Variants in BRF1 observed in about 807,000 individuals in gnomAD.
BRF1 encodes BRF1 general transcription factor IIIB subunit.
BRF1 carries 59 observed loss-of-function variants against 81.7 expected under a neutral mutation model. The observed-to-expected ratio is 0.72, with a 90% CI of 0.59 to 0.90. The LOEUF is 0.90. Among genes scored for constraint, BRF1 ranks in the 40% least tolerant of loss-of-function variants. The pLI is 0.00. For synonymous variants in BRF1, 491 were observed against 395.6 expected, an observed-to-expected ratio of 1.24 and a Z score of -2.86; for missense variants, 1,050 against 936.3, an observed-to-expected ratio of 1.12 and a Z score of -1.58.
rs190036799 is a variant in BRF1 at position 105,254,481 on chromosome 14, T to A, written c.472-1902A>T. On this transcript the variant is annotated intron_variant, in intron 4 of 17. Transcript: ENST00000547530. ...ACCGCGTTAGACAGGATGGTCTCGA[T>A]CTCCAGACCTCCTGATCTGCCCGCC... 4.3e-4 allele frequency among the ~76,000 whole-genome samples: 65 copies of A among 152,230 alleles called. No individual in the cohort carries two copies. The Middle Eastern group carries it at 0.01, about 24-fold the overall frequency.
intron 1 of BRF1, among the ~76,000 whole-genome samples, chr14:105,290,374 G>A (rs1420574917): frequency 6.6e-6 from 1 of 152,132 alleles, no homozygotes; most frequent in Non-Finnish European, 1.5e-5. Context: ...AGCCGAGATC[G>A]CGCCATTGCA....
At chr14:105,244,149 C>A (rs2735828) in intron 5 of BRF1, among the ~76,000 whole-genome samples, 41,591 of 150,066 alleles carry the variant, frequency 0.28, 5,932 homozygotes, top group Middle Eastern at 0.3. Flanking sequence ...TCTCTTAAAA[C>A]AAAAATCTGG....
chr14:105,292,238 TA>T (rs1389820579), intron 1 of BRF1, among the ~76,000 whole-genome samples: 1 of 151,930 alleles, frequency 6.6e-6, no homozygotes, highest in Non-Finnish European at 1.5e-5. Flanking sequence ...GGCTGGAGTG[TA>T]ATGGCACGAT....
chr14:105,211,179 GCTCCTCCTCGTCAGC>G lies in BRF1; in HGVS notation c.1924_1938del (p.Ala642_Glu646del). 2.5e-6 allele frequency: 4 copies of G among 1,612,358 alleles called. No homozygotes were observed. Among genetic ancestry groups the G allele is most frequent in the Non-Finnish European group, 2.5e-6 (3 of 1,179,880 alleles). On this transcript the variant is annotated inframe_deletion, in exon 17 of 18. Transcript: ENST00000547530. ...CAGGGCTCCCCGTCCTCCTCGTCAG[GCTCCTCCTCGTCAGC>G]CTCCTCGTCGGCGTGGTATGACACG... is the stretch of plus-strand genomic sequence containing the variant.
chr14:105,270,613 A>T (rs587657887), intron 3 of BRF1, among the ~76,000 whole-genome samples: 2 of 151,676 alleles, frequency 1.3e-5, no homozygotes, highest in South Asian at 4.2e-4. Flanking sequence ...ACATGGGGAA[A>T]CCCCATCTCT....
In BRF1 at chr14:105,209,827, G is replaced by A. The variant is rs1254890384; in HGVS notation, c.*724C>T. 16 of 507,182 alleles carry A rather than the reference G, an allele frequency of 3.2e-5. No homozygotes were observed. The highest frequency in any genetic ancestry group is 1.5e-4 in the South Asian group (5 of 32,876). 31.4% of individuals were successfully genotyped at this position (507,182 alleles called of 1,614,324 possible). The stretch of plus-strand genomic sequence containing the variant: ...GCACTCAGTTCACCTGCCGGCAGCC[G>A]CAGGGCTCCTGGGCCCACAACTCAA... On this transcript the variant is annotated 3_prime_UTR_variant, in exon 18 of 18. Coordinates refer to ENST00000547530, the MANE Select transcript of BRF1 (RefSeq NM_001519.4).
chr14:105,217,610 T>C lies in BRF1; in HGVS notation c.1706A>G (p.Lys569Arg). ...AQPEHSASAR[K>R]LSRRRTPASR... is the part of the protein sequence containing the mutation. ...GGCCGGCGTCCTCCTTCGTGACAGC[T>C]TCCTGGCACTGGCGCTATGCTCGGG... Residue 569 changes from lysine (K) to arginine (R), a missense_variant, in exon 15 of 18, where the codon AAG becomes AGG. Physicochemically the swap from Lys to Arg is conservative, Grantham distance 26. Around this residue, in one of 2 missense-constraint regions of BRF1, gnomAD observed 1,043 missense variants for 915.4 expected, o/e 1.14. Coordinates refer to ENST00000547530, the MANE Select transcript of BRF1 (RefSeq NM_001519.4). 1.9e-6 allele frequency: 3 copies of C among 1,613,450 alleles called. No individual in the cohort carries two copies. Among genetic ancestry groups the C allele is most frequent in the Non-Finnish European group, 2.5e-6 (3 of 1,180,018 alleles).
At chr14:105,220,237 T>C (rs1413337477) in intron 11 of BRF1, 107 bp from the exon 12 acceptor site, 12 of 1,251,254 alleles carry the variant, frequency 9.6e-6, no homozygotes, top group Non-Finnish European at 1.3e-5. Context: ...AAGGGCTTTC[T>C]AGAACCCCGT....
intron 15 of BRF1, among the ~76,000 whole-genome samples, chr14:105,215,648 G>GCA (rs369831808): frequency 1.6e-5 from 2 of 125,682 alleles, no homozygotes; most frequent in African/African-American, 6.1e-5. Flanking sequence ...ACAGACACAG[G>GCA]CACACACACA....
chr14:105,229,638 G>A (rs1161477342), intron 6 of BRF1, among the ~76,000 whole-genome samples: 6 of 151,008 alleles, frequency 4.0e-5, no homozygotes, highest in Admixed American at 2.6e-4. Context: ...TCGCCCAGCT[G>A]GGGGCGGGGG....
At chr14:105,229,437 A>T (rs933786500) in intron 6 of BRF1, among the ~76,000 whole-genome samples, 2 of 152,238 alleles carry the variant, frequency 1.3e-5, no homozygotes, top group African/African-American at 4.8e-5. Context: ...CCTGCCGGGT[A>T]GAGTGGACTC....
At chr14:105,248,841 G>A (rs1273018768) in intron 5 of BRF1, 6 of 990,068 alleles carry the variant, frequency 6.1e-6, no homozygotes, top group East Asian at 2.2e-4. Flanking sequence ...CACAGGCGCC[G>A]AGGCTGCCCC....
chr14:105,294,147 C>T (rs2057634766), intron 1 of BRF1, among the ~76,000 whole-genome samples: 1 of 152,176 alleles, frequency 6.6e-6, no homozygotes, highest in Non-Finnish European at 1.5e-5. Flanking sequence ...AGCAACAGAT[C>T]CCCTCTCTCC....
chr14:105,222,192 A>T, intron 10 of BRF1: 1 of 397,202 alleles, frequency 2.5e-6, no homozygotes, highest in Non-Finnish European at 4.4e-6. Context: ...TAAGGCAAAC[A>T]TTTCTAATGG....
At chr14:105,289,905 G>C (rs1313006868) in intron 1 of BRF1, among the ~76,000 whole-genome samples, 1 of 152,020 alleles carries the variant, frequency 6.6e-6, no homozygotes, top group Non-Finnish European at 1.5e-5. Context: ...CAAAGTGCTG[G>C]GATTACAGGC....
Position 105,219,245 on chromosome 14 carries a change from A to AG in BRF1, c.1378-14dup. ...CATTCAGGATGTACTGGGCGAGCAC[A>AG]GGGAAGTGGGGCTGGCTTTTAGCCT... On this transcript the variant is annotated splice_polypyrimidine_tract_variant and intron_variant, in intron 12 of 17. Transcript: ENST00000547530. 6.2e-7 allele frequency: 1 copy of AG among 1,609,432 alleles called. No homozygotes were observed. Among genetic ancestry groups the AG allele is most frequent in the Non-Finnish European group, 8.5e-7 (1 of 1,176,462 alleles).
At chr14:105,243,463 AAAAATAAAAAT>A (rs1566826569) in intron 5 of BRF1, among the ~76,000 whole-genome samples, 3 of 135,202 alleles carry the variant, frequency 2.2e-5, no homozygotes, top group African/African-American at 2.7e-5. Flanking sequence ...TTAAAAAAAA[AAAAATAAAAAT>A]AAAAAATTAG....
intron 1 of BRF1, among the ~76,000 whole-genome samples, chr14:105,289,467 G>GGA (rs1399935103): frequency 1.3e-5 from 2 of 152,198 alleles, no homozygotes; most frequent in Non-Finnish European, 2.9e-5. Context: ...GAGAGGCCAG[G>GGA]GAGAAACGCA....
At chr14:105,270,033 G>A (rs10132751) in intron 3 of BRF1, among the ~76,000 whole-genome samples, 5,232 of 152,254 alleles carry the variant, frequency 0.034, 301 homozygotes, top group African/African-American at 0.12. Flanking sequence ...CAGGCGGGGC[G>A]GGCAGGGACG....
Sources: allele counts gnomAD v4.1 joint callset (sites outside exome capture counted in the v4.1 genomes callset), GRCh38; gene constraint gnomAD v4.1.1; regional missense constraint gnomAD v4.1.1; transcripts MANE v1.5; gene names NCBI Gene and HGNC (gene_info 2026-07-23, HGNC 2026-07-21).